Variants in CREB5 observed in about 807,000 individuals in gnomAD.
The protein encoded by CREB5 is cyclic AMP-responsive element-binding protein 5.
A neutral mutation model predicts 57.1 loss-of-function variants in CREB5; 19 were observed. The observed-to-expected ratio is 0.33, with a 90% CI of 0.23 to 0.49. The LOEUF is 0.49. Among genes scored for constraint, CREB5 ranks in the 20% least tolerant of loss-of-function variants. CREB5 has a pLI of 0.99. For missense variants in CREB5, 579 were observed against 671.6 expected (o/e 0.86, Z 1.52); for synonymous variants, 238 against 238.3 (o/e 1.00, Z 0.01).
At chr7:28,387,425 T>C (rs1261876570) in intron 1 of CREB5, among the ~76,000 whole-genome samples, 1 of 152,288 alleles carries the variant, frequency 6.6e-6, no homozygotes, top group East Asian at 1.9e-4. Flanking sequence ...TGGGGTTGTT[T>C]GTTTTTTTTT....
chr7:28,692,180 C>T (rs576517534), intron 5 of CREB5, among the ~76,000 whole-genome samples: 58 of 45,238 alleles, frequency 1.3e-3, no homozygotes, highest in South Asian at 9.3e-4. Flanking sequence ...AGCGAGACTC[C>T]GTCTCCAAAA....
At chr7:28,655,396 C>T (rs970785466) in intron 5 of CREB5, among the ~76,000 whole-genome samples, 3 of 152,062 alleles carry the variant, frequency 2.0e-5, no homozygotes, top group African/African-American at 7.2e-5. Context: ...TGCTTGAATC[C>T]AGGAGTTCAA....
At chr7:28,760,400 T>A (rs543192830) in intron 7 of CREB5, among the ~76,000 whole-genome samples, 1 of 152,164 alleles carries the variant, frequency 6.6e-6, no homozygotes, top group East Asian at 1.9e-4. Flanking sequence ...GGAAAGATGT[T>A]TACAAGGGCC....
chr7:28,410,240 G>C (rs756689162), upstream of CREB5: 1 of 454,618 alleles, frequency 2.2e-6, no homozygotes, highest in African/African-American at 2.0e-5. Context: ...GCGAGGCTCC[G>C]TCCGCTCCAG....
intron 7 of CREB5, among the ~76,000 whole-genome samples, chr7:28,750,746 A>G (rs1370063784): frequency 6.6e-6 from 1 of 152,186 alleles, no homozygotes; most frequent in African/African-American, 2.4e-5. Flanking sequence ...TATATTTTCT[A>G]TGAAACTATT....
chr7:28,321,072 G>A (rs941610648), intron 1 of CREB5, among the ~76,000 whole-genome samples: 5 of 152,118 alleles, frequency 3.3e-5, no homozygotes, highest in African/African-American at 7.2e-5. Context: ...TGTACAATGG[G>A]GCAATGATAG....
At chr7:28,453,958 CTTT>C (rs70977045) in intron 1 of CREB5, among the ~76,000 whole-genome samples, 5 of 132,578 alleles carry the variant, frequency 3.8e-5, no homozygotes, top group African/African-American at 1.4e-4. Context: ...CTCTCCAATT[CTTT>C]TTTTTTTTTT....
intron 4 of CREB5, among the ~76,000 whole-genome samples, chr7:28,529,703 A>G (rs576164141): frequency 6.6e-6 from 1 of 152,328 alleles, no homozygotes; most frequent in African/African-American, 2.4e-5. Flanking sequence ...GGATTTCCAG[A>G]ATAATTTCTT....
intron 2 of CREB5, among the ~76,000 whole-genome samples, chr7:28,492,476 G>GTATATTTTTGTTATTTGC (rs1791849055): frequency 6.6e-6 from 1 of 152,002 alleles, no homozygotes; most frequent in African/African-American, 2.4e-5. Context: ...ATTGCAGACT[G>GTATATTTTTGTTATTTGC]TATATTTTTG....
At chr7:28,584,910 C>T (rs1322557676) in intron 5 of CREB5, among the ~76,000 whole-genome samples, 1 of 152,152 alleles carries the variant, frequency 6.6e-6, no homozygotes, top group Non-Finnish European at 1.5e-5. Context: ...AGCTATCTTG[C>T]TGTTGGGACC....
intron 5 of CREB5, among the ~76,000 whole-genome samples, chr7:28,612,592 G>A (rs1447368628): frequency 7.1e-6 from 1 of 141,412 alleles, no homozygotes; most frequent in South Asian, 2.3e-4. Context: ...GTGTGTGTAA[G>A]GATACAGTTA....
At chr7:28,689,769 C>T (rs1456580141) in intron 5 of CREB5, among the ~76,000 whole-genome samples, 2 of 152,138 alleles carry the variant, frequency 1.3e-5, no homozygotes, top group African/African-American at 4.8e-5. Flanking sequence ...ATTAAAAATA[C>T]TGTTCTGCTC....
chr7:28,563,985 G>C (rs950578178), intron 4 of CREB5, among the ~76,000 whole-genome samples: 3 of 152,198 alleles, frequency 2.0e-5, no homozygotes, highest in Non-Finnish European at 4.4e-5. Context: ...TGTCCTGATA[G>C]ATAGCTCCTG....
chr7:28,620,793 G>A (rs1797764244), intron 5 of CREB5, among the ~76,000 whole-genome samples: 1 of 152,070 alleles, frequency 6.6e-6, no homozygotes, highest in East Asian at 1.9e-4. Flanking sequence ...TATACAGATA[G>A]CCAAGTCTTC....
chr7:28,759,733 G>A (rs946523864), intron 7 of CREB5, among the ~76,000 whole-genome samples: 1 of 152,224 alleles, frequency 6.6e-6, no homozygotes, highest in African/African-American at 2.4e-5. Flanking sequence ...TGCAAAACAG[G>A]AAGGTCTCGT....
At chr7:28,343,198 C>A (rs113339697) in intron 1 of CREB5, among the ~76,000 whole-genome samples, 1 of 152,142 alleles carries the variant, frequency 6.6e-6, no homozygotes, top group Admixed American at 6.5e-5. Context: ...CCTCGGCCTC[C>A]GAAAGTGCTG....
intron 5 of CREB5, among the ~76,000 whole-genome samples, chr7:28,677,376 G>A (rs1800369189): frequency 1.3e-5 from 2 of 152,052 alleles, no homozygotes; most frequent in South Asian, 4.2e-4. Context: ...AATACCTGGA[G>A]ACCTACGTTT....
At chr7:28,757,166 C>T (rs1283026428) in intron 7 of CREB5, among the ~76,000 whole-genome samples, 3 of 152,152 alleles carry the variant, frequency 2.0e-5, no homozygotes, top group Admixed American at 6.5e-5. Context: ...ATTCTCGCAA[C>T]CGTCGTATAT....
At chr7:28,575,668 C>T (rs1420585998) in intron 5 of CREB5, among the ~76,000 whole-genome samples, 1 of 152,170 alleles carries the variant, frequency 6.6e-6, no homozygotes, top group African/African-American at 2.4e-5. Flanking sequence ...TAATGCAGAC[C>T]AGAAGTCATT....
Sources: allele counts gnomAD v4.1 joint callset (sites outside exome capture counted in the v4.1 genomes callset), GRCh38; gene constraint gnomAD v4.1.1; transcripts MANE v1.5; gene names NCBI Gene and HGNC (gene_info 2026-07-23, HGNC 2026-07-21).